Variants in ANKRD55 observed in about 807,000 individuals in gnomAD.
ANKRD55 encodes the protein ankyrin repeat domain-containing protein 55.
ANKRD55 carries 41 observed loss-of-function variants against 60.6 expected under a neutral mutation model. That is an observed-to-expected ratio of 0.68 (90% CI 0.53 to 0.88). The LOEUF (loss-of-function observed/expected upper bound fraction) is 0.88, where lower values mean the gene tolerates loss of function less well. ANKRD55 is among the 40% of genes least tolerant of loss of function. The pLI is 0.00. For synonymous variants in ANKRD55, 264 were observed against 290.3 expected (o/e 0.91, Z 0.92); for missense variants, 732 against 767.6 (o/e 0.95, Z 0.55).
intron 7 of ANKRD55, among the ~76,000 whole-genome samples, chr5:56,132,405 C>A (rs1263009153): frequency 1.4e-5 from 2 of 141,824 alleles, no homozygotes; most frequent in Non-Finnish European, 1.5e-5. Context: ...ACGGTGAAAC[C>A]CTGTCTCTAC....
chr5:56,123,456 G>A (rs781750946), intron 8 of ANKRD55, among the ~76,000 whole-genome samples: 5 of 152,182 alleles, frequency 3.3e-5, no homozygotes, highest in South Asian at 2.1e-4. Context: ...TTTCAACACA[G>A]TGATCAATCA....
At chr5:56,219,288 A>AAAG (rs1561297140) in intron 2 of ANKRD55, among the ~76,000 whole-genome samples, 5 of 150,506 alleles carry the variant, frequency 3.3e-5, no homozygotes, top group African/African-American at 1.2e-4. Flanking sequence ...AAAAAAAAAA[A>AAAG]AAAAGAAAAA....
intron 5 of ANKRD55, among the ~76,000 whole-genome samples, chr5:56,163,555 C>T (rs1758382040): frequency 1.3e-5 from 2 of 152,162 alleles, no homozygotes; most frequent in African/African-American, 2.4e-5. Flanking sequence ...GCTTGGACCC[C>T]AGCAAGAGCA....
At chr5:56,126,577 A>G (rs1275891736) in intron 8 of ANKRD55, among the ~76,000 whole-genome samples, 2 of 144,116 alleles carry the variant, frequency 1.4e-5, no homozygotes, top group African/African-American at 5.3e-5. Context: ...ACTTTATAAC[A>G]TAATCCAAGA....
At chr5:56,143,694 A>G (rs541863043) in intron 7 of ANKRD55, 107 bp downstream of exon 7, 1 of 1,478,270 alleles carries the variant, frequency 6.8e-7, no homozygotes, top group Non-Finnish European at 9.3e-7. Context: ...GGTGGAGCTG[A>G]ATCAAGAGCT....
At chr5:56,162,119 T>C (rs1758348173) in intron 5 of ANKRD55, 1 of 780,306 alleles carries the variant, frequency 1.3e-6, no homozygotes, top group Non-Finnish European at 1.6e-6. Flanking sequence ...TCAGCTGTGG[T>C]CCAGTGTGGT....
chr5:56,112,899 C>T (rs764841298), intron 9 of ANKRD55, among the ~76,000 whole-genome samples: 1 of 152,220 alleles, frequency 6.6e-6, no homozygotes, highest in Non-Finnish European at 1.5e-5. Flanking sequence ...GTTTTCTCTA[C>T]AGGTCACACA....
chr5:56,222,996 C>T (rs920056837), intron 2 of ANKRD55, among the ~76,000 whole-genome samples: 2 of 152,094 alleles, frequency 1.3e-5, no homozygotes, highest in Admixed American at 6.5e-5. Context: ...TCAGGAAATA[C>T]AGAGAATGCC....
intron 9 of ANKRD55, among the ~76,000 whole-genome samples, chr5:56,112,085 A>T (rs2111677497): frequency 6.6e-6 from 1 of 152,326 alleles, no homozygotes; most frequent in African/African-American, 2.4e-5. Context: ...GTTTTCAACA[A>T]GAGGTTAACT....
chr5:56,134,469 C>T lies in ANKRD55; in HGVS notation c.613-7363G>A, dbSNP rs1214936628. 1.8e-5 allele frequency among the ~76,000 whole-genome samples: 2 copies of T among 110,450 alleles called. 1 individual carries two copies. Among genetic ancestry groups the T allele is most frequent in the Non-Finnish European group, 4.2e-5 (2 of 47,352 alleles). 72.5% of individuals were successfully genotyped at this position (110,450 alleles called of 152,430 possible). A position where few individuals can be genotyped will look rare whatever the true frequency, so the allele number is the denominator to read the frequency against. On this transcript the variant is annotated intron_variant, in intron 7 of 11. Coordinates refer to ENST00000341048, the MANE Select transcript of ANKRD55 (RefSeq NM_024669.3). ...TGGCAGGCGCCTGTAATCCCAGCTACTTGGGAAGCTGGGGCAAGAGAATTG... is the reference window on the plus strand; with the variant it reads ...TGGCAGGCGCCTGTAATCCCAGCTATTTGGGAAGCTGGGGCAAGAGAATTG...
At chr5:56,221,423 G>A (rs992064830) in intron 2 of ANKRD55, among the ~76,000 whole-genome samples, 2 of 152,194 alleles carry the variant, frequency 1.3e-5, no homozygotes, top group East Asian at 1.9e-4. Flanking sequence ...CGTGAGTGAC[G>A]CAAAAGACAG....
intron 4 of ANKRD55, among the ~76,000 whole-genome samples, chr5:56,174,529 T>G (rs1032089090): frequency 2.6e-5 from 4 of 152,188 alleles, no homozygotes; most frequent in African/African-American, 7.2e-5. Flanking sequence ...GATATGGGAC[T>G]TCGGCTAATA....
intron 2 of ANKRD55, among the ~76,000 whole-genome samples, chr5:56,216,906 C>T (rs1459081487): frequency 6.6e-6 from 1 of 152,226 alleles, no homozygotes; most frequent in Non-Finnish European, 1.5e-5. Context: ...TAGCTAAGGT[C>T]ATTGATGAAC....
At chr5:56,209,466 CTTTTTT>C (rs60256412) in intron 2 of ANKRD55, among the ~76,000 whole-genome samples, 1 of 132,338 alleles carries the variant, frequency 7.6e-6, no homozygotes. Context: ...ACATGTATAT[CTTTTTT>C]TTTTTTTTTT....
chr5:56,109,943 G>A (rs1429187555), intron 10 of ANKRD55, among the ~76,000 whole-genome samples: 2 of 151,930 alleles, frequency 1.3e-5, no homozygotes, highest in East Asian at 1.9e-4. Context: ...GCTTGAACCC[G>A]GGAAGCGGAG....
intron 10 of ANKRD55, among the ~76,000 whole-genome samples, chr5:56,104,292 C>T (rs544541351): frequency 6.6e-6 from 1 of 152,206 alleles, no homozygotes; most frequent in Non-Finnish European, 1.5e-5. Context: ...GACCTTGTGA[C>T]TTGGAGGAGT....
At chr5:56,113,691 G>A (rs1175242531) in intron 9 of ANKRD55, among the ~76,000 whole-genome samples, 14 of 152,128 alleles carry the variant, frequency 9.2e-5, no homozygotes, top group Admixed American at 9.2e-4. Context: ...CCAGAAGTGA[G>A]GGTGAGGTGG....
At chr5:56,118,611 G>A (rs1203821290) in intron 8 of ANKRD55, among the ~76,000 whole-genome samples, 3 of 150,202 alleles carry the variant, frequency 2.0e-5, no homozygotes, top group East Asian at 1.9e-4. Context: ...GCAACAGAGC[G>A]AGACTCCATC....
chr5:56,196,726 G>A (rs1346011072), intron 2 of ANKRD55, among the ~76,000 whole-genome samples: 1 of 152,188 alleles, frequency 6.6e-6, no homozygotes, highest in African/African-American at 2.4e-5. Flanking sequence ...AGTTATCATA[G>A]TGATTCTTAA....
Sources: allele counts gnomAD v4.1 joint callset (sites outside exome capture counted in the v4.1 genomes callset), GRCh38; gene constraint gnomAD v4.1.1; transcripts MANE v1.5; gene names NCBI Gene and HGNC (gene_info 2026-07-23, HGNC 2026-07-21).